The following RECQL5 variants were observed in gnomAD, a reference collection of about 807,000 sequenced individuals.
The protein encoded by RECQL5 is RecQ like helicase 5.
Under a neutral mutation model 103.4 loss-of-function variants are expected in RECQL5, and 88 were observed. The observed-to-expected ratio is 0.85, with a 90% CI of 0.72 to 1.02. The LOEUF is 1.02. RECQL5 is among the 50% of genes least tolerant of loss of function. RECQL5 has a pLI of 0.00. For synonymous variants in RECQL5, 552 were observed against 507.9 expected (o/e 1.09, Z -1.17); for missense variants, 1,232 against 1,284.3 (o/e 0.96, Z 0.62).
chr17:75,658,467 G>C lies in RECQL5; in HGVS notation c.987-7C>G. 6.2e-7 allele frequency: 1 copy of C among 1,612,790 alleles called. No individual in the cohort carries two copies. The highest frequency in any genetic ancestry group is 2.2e-5 in the East Asian group (1 of 44,832). On this transcript the variant is annotated splice_polypyrimidine_tract_variant and splice_region_variant and intron_variant, in intron 6 of 19. Transcript: ENST00000317905. ...ATTCCAATGGGCGACAAACCTGTAG[G>C]ATCCAAAGGGACAAGCAGCATGAGA...
chr17:75,632,554 G>T (rs757362504), intron 8 of RECQL5, among the ~76,000 whole-genome samples: 1 of 152,232 alleles, frequency 6.6e-6, no homozygotes, highest in South Asian at 2.1e-4. Context: ...ACGCAGCCTC[G>T]CCTGGAGTCC....
chr17:75,642,644 G>T (rs1480610361), intron 8 of RECQL5, among the ~76,000 whole-genome samples: 1 of 152,246 alleles, frequency 6.6e-6, no homozygotes, highest in East Asian at 1.9e-4. Flanking sequence ...ATGAGGAGGA[G>T]GATGAAGATG....
chr17:75,627,404 T>C lies in RECQL5; in HGVS notation c.*18A>G. On this transcript the variant is annotated 3_prime_UTR_variant, in exon 20 of 20. Coordinates refer to ENST00000317905, the MANE Select transcript of RECQL5 (RefSeq NM_004259.7). The stretch of plus-strand genomic sequence containing the variant: ...AGAATCTGGGGGAGGACGCGGGCCC[T>C]GCCCAGCCAGCAGTTGGTCATCTCT... 1.2e-6 allele frequency: 2 copies of C among 1,604,154 alleles called. No individual in the cohort carries two copies. The highest frequency in any genetic ancestry group is 1.1e-5 in the South Asian group (1 of 90,912).
chr17:75,662,027 G>A (rs188012864), intron 4 of RECQL5, among the ~76,000 whole-genome samples: 10 of 152,322 alleles, frequency 6.6e-5, no homozygotes, highest in Admixed American at 5.2e-4. Flanking sequence ...CGGGAGTGGT[G>A]GCGCATGCCT....
chr17:75,642,612 A>G (rs1257935799), intron 8 of RECQL5, among the ~76,000 whole-genome samples: 1 of 149,892 alleles, frequency 6.7e-6, no homozygotes, highest in East Asian at 1.9e-4. Flanking sequence ...AAAGAATAGG[A>G]TTCAGAATGA....
rs1025843777 is a variant in RECQL5, at chr17:75,627,068, C to A, written c.*354G>T. 12 of 455,632 alleles carry A rather than the reference C, an allele frequency of 2.6e-5. No homozygotes were observed. Among genetic ancestry groups the A allele is most frequent in the Non-Finnish European group, 4.8e-5 (11 of 230,970 alleles). The allele number at this position is 455,632 out of a possible 1,614,324, so 28.2% of individuals were successfully genotyped here. The stretch of plus-strand genomic sequence containing the variant: ...GGGTCCCCTGGGTAGGTTCCGATAC[C>A]TTGGACAGGTGGGCCTCATCCTGAC... On this transcript the variant is annotated 3_prime_UTR_variant, in exon 20 of 20. Transcript: ENST00000317905.
chr17:75,655,666 T>TTTGAAAAAAACTCGTG (rs2059610828), intron 7 of RECQL5, among the ~76,000 whole-genome samples: 1 of 146,378 alleles, frequency 6.8e-6, no homozygotes, highest in African/African-American at 2.5e-5. Context: ...ACCTGGCCTT[T>TTTGAAAAAAACTCGTG]TTAATTTTTA....
At chr17:75,665,287 G>T in intron 2 of RECQL5, 115 bp from the exon 3 acceptor site, 1 of 917,780 alleles carries the variant, frequency 1.1e-6, no homozygotes, top group Non-Finnish European at 1.7e-6. Context: ...CACATGGGAG[G>T]GTCTCGATGT....
At chr17:75,637,220 C>T (rs1252838731) in intron 8 of RECQL5, 1 of 152,438 alleles carries the variant, frequency 6.6e-6, no homozygotes, top group African/African-American at 2.4e-5. Context: ...CAATCTCTCC[C>T]TGGGTCTCTG....
At chr17:75,642,368 T>C (rs908000638) in intron 8 of RECQL5, among the ~76,000 whole-genome samples, 3 of 152,186 alleles carry the variant, frequency 2.0e-5, no homozygotes, top group Non-Finnish European at 4.4e-5. Context: ...CCTGTCTACC[T>C]GGGAAACATG....
Position 75,640,929 on chromosome 17 carries a change from A to G in RECQL5, c.1230-9261T>C. 2 of 1,537,620 alleles carry G rather than the reference A, an allele frequency of 1.3e-6. No individual in the cohort carries two copies. Among genetic ancestry groups the G allele is most frequent in the Non-Finnish European group, 1.7e-6 (2 of 1,145,666 alleles). ...GGCGATGGCTGAGGAGAAGCTGGAG[A>G]GGAGATGGCCAATGCCATGACACAG... On this transcript the variant is annotated intron_variant, in intron 8 of 19. Coordinates refer to ENST00000317905, the MANE Select transcript of RECQL5 (RefSeq NM_004259.7). The surrounding 1 kb of genome is among the most constrained non-coding windows in gnomAD (Gnocchi z 4.6).
intron 8 of RECQL5, among the ~76,000 whole-genome samples, chr17:75,644,202 G>C (rs1180821872): frequency 6.6e-6 from 1 of 152,214 alleles, no homozygotes; most frequent in African/African-American, 2.4e-5. Flanking sequence ...CTACTCGGGA[G>C]GCTGAAGCAG....
At chr17:75,656,066 C>T (rs1793546290) in intron 7 of RECQL5, among the ~76,000 whole-genome samples, 1 of 152,036 alleles carries the variant, frequency 6.6e-6, no homozygotes, top group African/African-American at 2.4e-5. Context: ...TTCAAAGCAA[C>T]TGGGGAGCTT....
rs1339371383 is a variant in RECQL5, at chr17:75,630,444, C to A, written c.1719-167G>T. Reference sequence around the variant, plus strand: ...ACTGTCCCTCAGCAGCTGCTGGTAGCACCTAAGTTGTAGCCATGCCTGGCC... The same window carrying A: ...ACTGTCCCTCAGCAGCTGCTGGTAGAACCTAAGTTGTAGCCATGCCTGGCC... On this transcript the variant is annotated intron_variant, in intron 13 of 19. Coordinates refer to ENST00000317905, the MANE Select transcript of RECQL5 (RefSeq NM_004259.7). 4.6e-6 allele frequency: 4 copies of A among 874,594 alleles called. No individual in the cohort carries two copies. The Admixed American group carries it at 9.9e-5, about 22-fold the overall frequency. The allele number at this position is 874,594 out of a possible 1,614,324, so 54.2% of individuals were successfully genotyped here. A position where few individuals can be genotyped will look rare whatever the true frequency, so the allele number is the denominator to read the frequency against.
chr17:75,640,396 G>A lies in RECQL5; in HGVS notation c.1230-8728C>T, dbSNP rs1421483772. 1.4e-6 allele frequency: 2 copies of A among 1,462,210 alleles called. No homozygotes were observed. Among genetic ancestry groups the A allele is most frequent in the African/African-American group, 1.4e-5 (1 of 69,958 alleles). The allele number at this position is 1,462,210 out of a possible 1,614,324, so 90.6% of individuals were successfully genotyped here. A position where few individuals can be genotyped will look rare whatever the true frequency, so the allele number is the denominator to read the frequency against. On this transcript the variant is annotated intron_variant, in intron 8 of 19. Coordinates refer to ENST00000317905, the MANE Select transcript of RECQL5 (RefSeq NM_004259.7). The surrounding 1 kb of genome is among the most constrained non-coding windows in gnomAD (Gnocchi z 4.6). ...TGGGAGAGACCACACCATGGTGCCA[G>A]CCAGAGGGCTGGCAGAGGTGGCGGG...
chr17:75,650,148 C>T, intron 8 of RECQL5: 1 of 986,426 alleles, frequency 1.0e-6, no homozygotes, highest in Non-Finnish European at 1.2e-6. Context: ...TTTAGCAACT[C>T]CCATATTAAT....
intron 7 of RECQL5, among the ~76,000 whole-genome samples, chr17:75,654,794 T>A (rs571365006): frequency 1.3e-5 from 2 of 151,978 alleles, no homozygotes; most frequent in Admixed American, 6.6e-5. Context: ...TAATTTTTTT[T>A]ATTATTATTA....
chr17:75,641,189 C>T, intron 8 of RECQL5: 1 of 374,680 alleles, frequency 2.7e-6, no homozygotes. Context: ...TTTAACAAAA[C>T]AAGGAAGTAG....
intron 8 of RECQL5, chr17:75,650,769 G>A (rs1328501215): frequency 3.0e-5 from 47 of 1,583,702 alleles, no homozygotes; most frequent in African/African-American, 4.1e-5. Flanking sequence ...ATGACTCCCC[G>A]AGGTAAGTGG....
Sources: gnomAD v4.1 joint callset for allele counts (sites outside exome capture counted in the v4.1 genomes callset) on GRCh38, gnomAD v4.1.1 for gene constraint, Gnocchi (gnomAD v3.1) non-coding constraint, MANE v1.5 for transcripts, NCBI Gene and HGNC (gene_info 2026-07-23, HGNC 2026-07-21) for gene names.